TBL1X: variants seen among roughly 807,000 people sequenced by gnomAD.
TBL1X encodes F-box-like/WD repeat-containing protein TBL1X.
A neutral mutation model predicts 50.7 loss-of-function variants in TBL1X; 10 were observed. The ratio of observed to expected loss-of-function variants is 0.20; its 90% confidence interval spans 0.12 to 0.33. The LOEUF is 0.33. Among genes scored for constraint, TBL1X ranks in the 10% least tolerant of loss-of-function variants. The pLI, the probability that TBL1X is intolerant of heterozygous loss-of-function variation, is 1.00. For missense variants in TBL1X, 340 were observed against 504.4 expected, an observed-to-expected ratio of 0.67 and a Z score of 3.12; for synonymous variants, 190 against 214.7, an observed-to-expected ratio of 0.88 and a Z score of 1.01.
chrX:9,638,045 A>T (rs1044584829), intron 2 of TBL1X: 1 of 111,558 alleles, frequency 9.0e-6, no homozygotes, highest in African/African-American at 3.3e-5. Context: ...GAAGAGATGT[A>T]TGTAGCACTG....
At chrX:9,706,646 C>T (rs1452145366) in intron 13 of TBL1X, among the ~76,000 whole-genome samples, 1 of 111,403 alleles carries the variant, frequency 9.0e-6, no homozygotes, top group Non-Finnish European at 1.9e-5. Flanking sequence ...GCCTCTGAGG[C>T]GCTTCCCGGT....
intron 1 of TBL1X, among the ~76,000 whole-genome samples, chrX:9,476,930 T>G (rs1165952631): frequency 8.9e-6 from 1 of 112,603 alleles, no homozygotes; most frequent in Non-Finnish European, 1.9e-5. Flanking sequence ...ATTATATTAG[T>G]GTACTCAAAC....
Position 9,697,443 on chromosome X carries a change from T to G in TBL1X, c.1114+14T>G. 8.3e-7 allele frequency: 1 copy of G among 1,204,668 alleles called. No homozygotes were observed. ...CTTTTCATTCAGGTGAGTTTTTTGTTGTTGTTGTTGTTGTTTGTTTTTTTG... is the reference window on the plus strand; with the variant it reads ...CTTTTCATTCAGGTGAGTTTTTTGTGGTTGTTGTTGTTGTTTGTTTTTTTG... On this transcript the variant is annotated intron_variant, in intron 12 of 17. Transcript: ENST00000645353.
chrX:9,601,184 C>T (rs2082554663), intron 2 of TBL1X, among the ~76,000 whole-genome samples: 1 of 111,322 alleles, frequency 9.0e-6, no homozygotes, highest in Non-Finnish European at 1.9e-5. Flanking sequence ...CCAACACTGC[C>T]CCCTTTTTCC....
chrX:9,669,004 T>C (rs1039159180), intron 5 of TBL1X, among the ~76,000 whole-genome samples: 1 of 112,148 alleles, frequency 8.9e-6, no homozygotes, highest in Non-Finnish European at 1.9e-5. Flanking sequence ...AAATTTGTCT[T>C]ACTATGATTT....
chrX:9,523,187 A>T (rs868018706), intron 2 of TBL1X, among the ~76,000 whole-genome samples: 1 of 111,844 alleles, frequency 8.9e-6, no homozygotes, highest in African/African-American at 3.2e-5. Flanking sequence ...TCATTCTTCA[A>T]AGAAAGACTC....
At chrX:9,609,684 G>T (rs757588338) in intron 2 of TBL1X, among the ~76,000 whole-genome samples, 1 of 110,960 alleles carries the variant, frequency 9.0e-6, no homozygotes. Context: ...GAGGCTGTGC[G>T]GGTTGCGTGG....
chrX:9,646,892 T>C (rs1283748730), intron 3 of TBL1X, among the ~76,000 whole-genome samples: 1 of 112,438 alleles, frequency 8.9e-6, no homozygotes, highest in Admixed American at 9.4e-5. Flanking sequence ...CAGCTCGTGC[T>C]TCCTTCGCTG....
intron 1 of TBL1X, among the ~76,000 whole-genome samples, chrX:9,472,998 T>C (rs916013210): frequency 9.0e-6 from 1 of 111,390 alleles, no homozygotes; most frequent in African/African-American, 3.3e-5. Flanking sequence ...CTGTGGGTAA[T>C]TGGGTAATTG....
chrX:9,480,395 A>C (rs1191090738), intron 1 of TBL1X, among the ~76,000 whole-genome samples: 1 of 112,522 alleles, frequency 8.9e-6, no homozygotes, highest in Non-Finnish European at 1.9e-5. Context: ...AAGTTTAAGC[A>C]AGTTGAAAAA....
At chrX:9,617,131 C>T (rs1258421849) in intron 2 of TBL1X, among the ~76,000 whole-genome samples, 5 of 111,688 alleles carry the variant, frequency 4.5e-5, no homozygotes, top group Non-Finnish European at 9.4e-5. Flanking sequence ...GTAACCCATT[C>T]GTTTCTGGCT....
At chrX:9,697,941 C>T (rs373455184) in intron 12 of TBL1X, among the ~76,000 whole-genome samples, 3 of 111,288 alleles carry the variant, frequency 2.7e-5, no homozygotes, top group Admixed American at 1.9e-4. Flanking sequence ...AAACATTAGT[C>T]GGGTGTTGTG....
chrX:9,472,851 TG>T (rs2081825846), intron 1 of TBL1X, among the ~76,000 whole-genome samples: 1 of 108,969 alleles, frequency 9.2e-6, no homozygotes, highest in Non-Finnish European at 1.9e-5. Context: ...AGGTGGAGCT[TG>T]CAGTGAGCCA....
intron 1 of TBL1X, among the ~76,000 whole-genome samples, chrX:9,479,303 G>A (rs909009580): frequency 3.6e-5 from 4 of 111,902 alleles, no homozygotes; most frequent in East Asian, 5.6e-4. Flanking sequence ...AAAATTAGCC[G>A]GGTGTGGTAG....
intron 2 of TBL1X, among the ~76,000 whole-genome samples, chrX:9,531,631 G>A (rs2082162413): frequency 9.1e-6 from 1 of 110,376 alleles, no homozygotes; most frequent in Non-Finnish European, 1.9e-5. Flanking sequence ...TGTGCGGGGC[G>A]CTGTGGCTCA....
intron 5 of TBL1X, among the ~76,000 whole-genome samples, chrX:9,678,219 C>T (rs776981150): frequency 1.3e-4 from 15 of 111,648 alleles, no homozygotes; most frequent in African/African-American, 2.9e-4. Flanking sequence ...GCAGAACTAT[C>T]GGATATGGAG....
chrX:9,601,711 G>A (rs773239639), intron 2 of TBL1X, among the ~76,000 whole-genome samples: 15 of 111,759 alleles, frequency 1.3e-4, no homozygotes, highest in East Asian at 2.8e-4. Flanking sequence ...GAATTGCAGC[G>A]TAGCCTGGAG....
At chrX:9,493,892 T>G (rs754811153) in intron 1 of TBL1X, among the ~76,000 whole-genome samples, 1 of 112,161 alleles carries the variant, frequency 8.9e-6, no homozygotes, top group African/African-American at 3.2e-5. Context: ...AATGTTGAAT[T>G]TAGTCCTGAT....
intron 2 of TBL1X, among the ~76,000 whole-genome samples, chrX:9,605,222 A>G (rs1256339073): frequency 9.0e-6 from 1 of 111,328 alleles, no homozygotes; most frequent in Non-Finnish European, 1.9e-5. Context: ...ATTAGAGCCC[A>G]CACATGAGAT....
Sources: gnomAD v4.1 joint callset for allele counts (sites outside exome capture counted in the v4.1 genomes callset) on GRCh38, gnomAD v4.1.1 for gene constraint, MANE v1.5 for transcripts, NCBI Gene and HGNC (gene_info 2026-07-23, HGNC 2026-07-21) for gene names.